The following MDGA2 variants were observed in gnomAD, a reference collection of about 807,000 sequenced individuals.
MDGA2 encodes MAM domain-containing glycosylphosphatidylinositol anchor protein 2.
In MDGA2, 40 loss-of-function variants were observed where a neutral mutation model predicts 117.8. That is an observed-to-expected ratio of 0.34 (90% CI 0.26 to 0.44). The LOEUF (loss-of-function observed/expected upper bound fraction) is 0.44. Ranked by LOEUF, MDGA2 falls within the 20% of genes least tolerant of loss-of-function variation. The pLI, the probability that MDGA2 is intolerant of heterozygous loss-of-function variation, is 1.00. For missense variants in MDGA2, 1,123 were observed against 1,250.6 expected, an observed-to-expected ratio of 0.90 and a Z score of 1.54; for synonymous variants, 452 against 439.0, an observed-to-expected ratio of 1.03 and a Z score of -0.37.
chr14:47,064,069 C>T (rs1594581661), intron 6 of MDGA2, among the ~76,000 whole-genome samples: 1 of 151,760 alleles, frequency 6.6e-6, no homozygotes, highest in South Asian at 2.1e-4. Flanking sequence ...TTCATAAAAA[C>T]AACTTTAAAA....
chr14:46,903,342 A>G (rs764365258), intron 10 of MDGA2, among the ~76,000 whole-genome samples: 1 of 152,162 alleles, frequency 6.6e-6, no homozygotes, highest in African/African-American at 2.4e-5. Context: ...CAAGAAGCAC[A>G]TTCTTTTAAT....
intron 1 of MDGA2, among the ~76,000 whole-genome samples, chr14:47,600,400 C>T (rs1896626002): frequency 6.6e-6 from 1 of 152,046 alleles, no homozygotes; most frequent in Non-Finnish European, 1.5e-5. Flanking sequence ...CGCCACCACA[C>T]TCCAGCTCGG....
intron 8 of MDGA2, among the ~76,000 whole-genome samples, chr14:46,979,872 G>C (rs1886600712): frequency 6.6e-6 from 1 of 152,190 alleles, no homozygotes; most frequent in Non-Finnish European, 1.5e-5. Flanking sequence ...ATCTAGGTAA[G>C]GTTATTGATA....
Position 47,533,400 on chromosome 14 carries a change from G to A in MDGA2, c.280+141117C>T, listed in dbSNP as rs114224221. On this transcript the variant is annotated intron_variant, in intron 1 of 16. Transcript: ENST00000399232. ...TGGAAGACCCACCAGCTGATTCTTA[G>A]TATATATGTTGGGATTTATTGATTG... 3.3e-5 allele frequency among the ~76,000 whole-genome samples: 5 copies of A among 152,230 alleles called. No homozygotes were observed. In the East Asian group the frequency reaches 9.6e-4, roughly 29 times the overall value.
intron 1 of MDGA2, among the ~76,000 whole-genome samples, chr14:47,542,070 GAA>G (rs1056991268): frequency 1.8e-4 from 27 of 152,192 alleles, no homozygotes; most frequent in African/African-American, 6.5e-4. Context: ...CACAGAGAGA[GAA>G]AGAGTTAGGA....
At chr14:47,114,868 T>G (rs1234037726) in intron 5 of MDGA2, among the ~76,000 whole-genome samples, 1 of 151,618 alleles carries the variant, frequency 6.6e-6, no homozygotes, top group East Asian at 1.9e-4. Flanking sequence ...TGGGCAAAGA[T>G]TTCATGACAA....
At chr14:46,899,692 T>G (rs1440957809) in intron 10 of MDGA2, among the ~76,000 whole-genome samples, 1 of 151,932 alleles carries the variant, frequency 6.6e-6, no homozygotes, top group Non-Finnish European at 1.5e-5. Context: ...AACAAAACTA[T>G]CCTCAAGGAA....
At chr14:47,416,400 C>T (rs1892476670) in intron 1 of MDGA2, among the ~76,000 whole-genome samples, 1 of 152,230 alleles carries the variant, frequency 6.6e-6, no homozygotes, top group Non-Finnish European at 1.5e-5. Context: ...GTCTCCCAGA[C>T]AGACTAAAGC....
intron 1 of MDGA2, among the ~76,000 whole-genome samples, chr14:47,526,573 C>T (rs1404262191): frequency 6.6e-6 from 1 of 152,092 alleles, no homozygotes; most frequent in Non-Finnish European, 1.5e-5. Context: ...CTTTGCTCAG[C>T]TATTTGGTCT....
At chr14:47,422,529 A>C (rs562721531) in intron 1 of MDGA2, among the ~76,000 whole-genome samples, 1 of 152,328 alleles carries the variant, frequency 6.6e-6, no homozygotes, top group East Asian at 1.9e-4. Context: ...CAAGTGAAAA[A>C]GCTTAAATTA....
At chr14:47,415,111 T>C (rs908723923) in intron 1 of MDGA2, among the ~76,000 whole-genome samples, 1 of 152,108 alleles carries the variant, frequency 6.6e-6, no homozygotes, top group Non-Finnish European at 1.5e-5. Flanking sequence ...AAAATCTTAA[T>C]TGGAGGAACA....
intron 2 of MDGA2, among the ~76,000 whole-genome samples, chr14:47,229,942 T>A (rs1432227538): frequency 1.3e-5 from 2 of 152,046 alleles, no homozygotes; most frequent in African/African-American, 4.8e-5. Context: ...CACTTAATAA[T>A]CAATATTGAT....
intron 12 of MDGA2, among the ~76,000 whole-genome samples, chr14:46,877,057 G>T (rs1278481077): frequency 6.6e-6 from 1 of 151,344 alleles, no homozygotes; most frequent in Non-Finnish European, 1.5e-5. Flanking sequence ...TTCTATAAAA[G>T]AAAGTCTCAA....
chr14:47,396,160 A>G (rs751174445), intron 1 of MDGA2, among the ~76,000 whole-genome samples: 3 of 152,130 alleles, frequency 2.0e-5, no homozygotes, highest in Non-Finnish European at 2.9e-5. Flanking sequence ...CCTAATAAAC[A>G]TATTTTCAAA....
At chr14:46,943,596 C>A (rs779509601) in intron 9 of MDGA2, among the ~76,000 whole-genome samples, 30 of 151,994 alleles carry the variant, frequency 2.0e-4, no homozygotes, top group Non-Finnish European at 3.8e-4. Context: ...ATATCACATT[C>A]CATACTTCAT....
At chr14:47,018,379 T>C (rs928299966) in intron 8 of MDGA2, among the ~76,000 whole-genome samples, 1 of 152,098 alleles carries the variant, frequency 6.6e-6, no homozygotes, top group Non-Finnish European at 1.5e-5. Flanking sequence ...AAGTTGCTTC[T>C]GCAGAAAAAG....
chr14:47,245,026 T>A (rs1187808329), intron 2 of MDGA2, among the ~76,000 whole-genome samples: 1 of 151,690 alleles, frequency 6.6e-6, no homozygotes, highest in African/African-American at 2.4e-5. Flanking sequence ...ATTTCTTTTT[T>A]TATTTGTTTG....
chr14:46,898,224 G>C (rs768626015), intron 10 of MDGA2, among the ~76,000 whole-genome samples: 3 of 151,970 alleles, frequency 2.0e-5, no homozygotes, highest in Non-Finnish European at 4.4e-5. Context: ...AAAATAATTT[G>C]GAGAACGAGA....
At chr14:46,944,191 A>AAT (rs1029568237) in intron 9 of MDGA2, among the ~76,000 whole-genome samples, 1 of 151,916 alleles carries the variant, frequency 6.6e-6, no homozygotes, top group African/African-American at 2.4e-5. Context: ...CTTTTTTCAG[A>AAT]ATATATATAT....
Sources: gnomAD v4.1 joint callset for allele counts (sites outside exome capture counted in the v4.1 genomes callset) on GRCh38, gnomAD v4.1.1 for gene constraint, MANE v1.5 for transcripts, NCBI Gene and HGNC (gene_info 2026-07-23, HGNC 2026-07-21) for gene names.